The following MYOF variants were observed in gnomAD, a reference collection of about 807,000 sequenced individuals.
The protein encoded by MYOF is fer-1-like 3, myoferlin.
A neutral mutation model predicts 284.2 loss-of-function variants in MYOF; 244 were observed. That is an observed-to-expected ratio of 0.86 (90% CI 0.77 to 0.95). MYOF has a LOEUF of 0.95. Among genes scored for constraint, MYOF ranks in the 40% least tolerant of loss-of-function variants. The probability of loss-of-function intolerance (pLI) is 0.00; values close to 1 mark genes in which losing one functional copy is unlikely to be tolerated. For synonymous variants in MYOF, 904 were observed against 919.7 expected (o/e 0.98, Z 0.31); for missense variants, 2,496 against 2,560.6 (o/e 0.97, Z 0.54).
At chr10:93,394,735 C>T (rs1200377478) in intron 16 of MYOF, among the ~76,000 whole-genome samples, 2 of 149,806 alleles carry the variant, frequency 1.3e-5, no homozygotes, top group Non-Finnish European at 3.0e-5. Flanking sequence ...GCTGGGATTA[C>T]AGGAGTGAGC....
intron 44 of MYOF, among the ~76,000 whole-genome samples, chr10:93,329,193 C>T (rs902332707): frequency 2.0e-5 from 3 of 152,150 alleles, no homozygotes; most frequent in Admixed American, 1.3e-4. Context: ...TCATAATAGG[C>T]AAACTCATAA....
chr10:93,409,082 AT>A (rs1225915691), intron 6 of MYOF, among the ~76,000 whole-genome samples, 167 bp from the exon 7 acceptor site: 1 of 152,188 alleles, frequency 6.6e-6, no homozygotes, highest in Non-Finnish European at 1.5e-5. Context: ...ACCTAGGGTC[AT>A]TCCCAAGATG....
At chr10:93,480,576 A>G (rs2057366022) in intron 1 of MYOF, among the ~76,000 whole-genome samples, 1 of 148,516 alleles carries the variant, frequency 6.7e-6, no homozygotes, top group South Asian at 2.1e-4. Context: ...CCTGGGTTGA[A>G]GCAATCCTCC....
intron 48 of MYOF, among the ~76,000 whole-genome samples, chr10:93,320,502 A>G (rs989943856): frequency 2.0e-5 from 3 of 152,214 alleles, no homozygotes; most frequent in Non-Finnish European, 4.4e-5. Flanking sequence ...CTTTTTATAA[A>G]TTATTCTTAA....
At position 93,466,119 on chromosome 10, in the gene MYOF, C is replaced by T. The variant is rs115989766; in HGVS notation, c.89-9182G>A. Among the ~76,000 whole-genome samples the T allele has an allele frequency of 1.8e-3, 276 of 152,244 alleles. 1 individual carries two copies. The highest frequency in any genetic ancestry group is 6.8e-3 in the Middle Eastern group (2 of 294). On this transcript the variant is annotated intron_variant, in intron 1 of 53. Coordinates refer to ENST00000359263, the MANE Select transcript of MYOF (RefSeq NM_013451.4). ...TTCTGAGAAGGGCTGGCAGAAACGC[C>T]TCCACCCTGGGGACTTGAGAGACAC...
chr10:93,393,148 G>A (rs910812504), intron 16 of MYOF, among the ~76,000 whole-genome samples, 193 bp from the exon 17 acceptor site: 1 of 152,064 alleles, frequency 6.6e-6, no homozygotes, highest in Non-Finnish European at 1.5e-5. Context: ...AAAATGACCC[G>A]GGCAGAACCA....
At position 93,369,611 on chromosome 10, in the gene MYOF, AAAG is replaced by A. The variant is rs1564656359; in HGVS notation, c.2589+31_2589+33del. ...AAGTAAAAGTGCCCCTCCCCCGACC[AAAG>A]AAGAAAAGATAGTGAAATCATTAAA... is the stretch of plus-strand genomic sequence containing the variant. On this transcript the variant is annotated intron_variant, in intron 25 of 53. Coordinates refer to ENST00000359263, the MANE Select transcript of MYOF (RefSeq NM_013451.4). 3 of 1,611,580 alleles carry A rather than the reference AAAG, an allele frequency of 1.9e-6. No individual in the cohort carries two copies. In the South Asian group the frequency reaches 3.3e-5, roughly 18 times the overall value.
At chr10:93,419,115 G>T (rs1411344656) in intron 5 of MYOF, among the ~76,000 whole-genome samples, 4 of 152,146 alleles carry the variant, frequency 2.6e-5, no homozygotes, top group Non-Finnish European at 5.9e-5. Flanking sequence ...AATGAGCCAG[G>T]AGCTTTGGCA....
Position 93,355,720 on chromosome 10 carries a change from T to C in MYOF, c.3311A>G (p.Glu1104Gly). 1 of 1,613,000 alleles carries C rather than the reference T, an allele frequency of 6.2e-7. No individual in the cohort carries two copies. Among genetic ancestry groups the C allele is most frequent in the Non-Finnish European group, 8.5e-7 (1 of 1,179,246 alleles). Residue 1104 changes from glutamate (E) to glycine (G), a missense_variant, in exon 31 of 54, where the codon GAA becomes GGA. By Grantham distance (98) the Glu-to-Gly change is moderately conservative. Around this residue, in one of 3 missense-constraint regions of MYOF, gnomAD observed 2,436 missense variants for 2,480.7 expected, o/e 0.98. Transcript: ENST00000359263. The part of the protein sequence containing the change: ...LEGALGADTT[E>G]DGDEKSLEKQ... ...CTCCAGGCTCTTCTCATCCCCATCT[T>C]CGGTAGTGTCTGCCCCCTGAAGTCA...
At chr10:93,456,036 G>A (rs1211119064) in intron 2 of MYOF, among the ~76,000 whole-genome samples, 7 of 151,962 alleles carry the variant, frequency 4.6e-5, no homozygotes, top group African/African-American at 1.5e-4. Context: ...AGTGGGGGGA[G>A]GTAAATAAGT....
chr10:93,357,437 C>T (rs1002073273), intron 29 of MYOF, among the ~76,000 whole-genome samples: 3 of 152,096 alleles, frequency 2.0e-5, no homozygotes, highest in Admixed American at 6.5e-5. Flanking sequence ...TCTCTTCATT[C>T]GACAAATATG....
chr10:93,307,623 G>T (rs1411585930), intron 53 of MYOF, among the ~76,000 whole-genome samples: 2 of 141,656 alleles, frequency 1.4e-5, no homozygotes, highest in African/African-American at 2.6e-5. Flanking sequence ...TAAACCAATA[G>T]AATTTTTTTT....
chr10:93,454,801 G>T (rs1468077084), intron 2 of MYOF, among the ~76,000 whole-genome samples: 1 of 151,276 alleles, frequency 6.6e-6, no homozygotes, highest in East Asian at 2.0e-4. Flanking sequence ...AACATAGCAG[G>T]ATGTAATCTC....
At position 93,381,246 on chromosome 10, in the gene MYOF, T is replaced by C. The variant is rs757256845; in HGVS notation, c.1849A>G (p.Thr617Ala). 1.9e-6 allele frequency: 3 copies of C among 1,614,174 alleles called. No individual in the cohort carries two copies. In the East Asian group the frequency reaches 6.7e-5, roughly 36 times the overall value. The part of the protein sequence containing the change: ...DTTCKPLAST[T>A]QYSRAVFDGN... ...TCAAATACAGCACGGCTGTACTGAG[T>C]TGTTGATGCCAAAGGCTTACAGGTG... is the stretch of plus-strand genomic sequence containing the variant. The change falls in exon 20 of 54, where the codon ACT becomes GCT. Residue 617 changes from threonine (T) to alanine (A), a missense_variant. Transcript: ENST00000359263.
intron 37 of MYOF, among the ~76,000 whole-genome samples, chr10:93,345,181 C>A (rs1564635299): frequency 6.6e-6 from 1 of 152,192 alleles, no homozygotes; most frequent in African/African-American, 2.4e-5. Context: ...AACAACAAAC[C>A]TTTTTCGGTA....
chr10:93,341,416 C>T (rs994418349), intron 38 of MYOF, among the ~76,000 whole-genome samples: 1 of 152,210 alleles, frequency 6.6e-6, no homozygotes, highest in African/African-American at 2.4e-5. Flanking sequence ...GCTGGGATTA[C>T]AGGCGCCTGC....
intron 1 of MYOF, among the ~76,000 whole-genome samples, chr10:93,460,907 C>T (rs1472783279): frequency 1.3e-5 from 2 of 151,912 alleles, no homozygotes; most frequent in Non-Finnish European, 2.9e-5. Context: ...ACCAGCCTGG[C>T]CAACTTGGTG....
intron 50 of MYOF, 101 bp from the exon 51 acceptor site, chr10:93,313,311 A>AT: frequency 8.9e-7 from 1 of 1,126,600 alleles, no homozygotes; most frequent in Non-Finnish European, 1.3e-6. Flanking sequence ...GCACACAGTG[A>AT]TTTTGAACAG....
At chr10:93,404,622 A>G (rs1847462948) in intron 7 of MYOF, among the ~76,000 whole-genome samples, 1 of 147,686 alleles carries the variant, frequency 6.8e-6, no homozygotes, top group African/African-American at 2.6e-5. Context: ...AGCCAGGACA[A>G]TATAGTGAGA....
Sources: gnomAD v4.1 joint callset for allele counts (sites outside exome capture counted in the v4.1 genomes callset) on GRCh38, gnomAD v4.1.1 for gene constraint, gnomAD v4.1.1 regional missense constraint, MANE v1.5 for transcripts, NCBI Gene and HGNC (gene_info 2026-07-23, HGNC 2026-07-21) for gene names.